The following BRINP2 variants were observed in gnomAD, a reference collection of about 807,000 sequenced individuals.
BRINP2 encodes BMP/retinoic acid-inducible neural-specific protein 2.
BRINP2 carries 21 observed loss-of-function variants against 69.2 expected under a neutral mutation model. The observed-to-expected ratio is 0.30, with a 90% CI of 0.22 to 0.44. The LOEUF is 0.44. BRINP2 is among the 20% of genes least tolerant of loss of function. The probability of loss-of-function intolerance (pLI) is 1.00; values close to 1 mark genes in which losing one functional copy is unlikely to be tolerated. For synonymous variants in BRINP2, 380 were observed against 394.1 expected, an observed-to-expected ratio of 0.96 and a Z score of 0.42; for missense variants, 877 against 986.0, an observed-to-expected ratio of 0.89 and a Z score of 1.48.
intron 1 of BRINP2, among the ~76,000 whole-genome samples, chr1:177,183,694 G>A (rs1166623934): frequency 6.6e-6 from 1 of 152,174 alleles, no homozygotes; most frequent in African/African-American, 2.4e-5. Context: ...GATATTTTCT[G>A]GATAAAAGGT....
intron 1 of BRINP2, 28 bp from the exon 2 acceptor site, chr1:177,229,773 A>G (rs1649806167): frequency 4.8e-6 from 7 of 1,471,222 alleles, no homozygotes; most frequent in South Asian, 2.8e-5. Flanking sequence ...AGGGTGCTCA[A>G]ATGACAATGC....
Position 177,233,629 on chromosome 1 carries a change from C to T in BRINP2, c.269+3484C>T, listed in dbSNP as rs375709741. On this transcript the variant is annotated intron_variant, in intron 2 of 7. Coordinates refer to ENST00000361539, the MANE Select transcript of BRINP2 (RefSeq NM_021165.4). ...CCTTTTTAAAGCACGTTAACCTTTA[C>T]CCTTCAATTCAGCTCTTTGCTGGGA... 1.2e-4 allele frequency among the ~76,000 whole-genome samples: 19 copies of T among 152,336 alleles called. No individual in the cohort carries two copies. The East Asian group carries it at 2.3e-3, about 19-fold the overall frequency.
chr1:177,244,048 G>A (rs1650296699), intron 2 of BRINP2, among the ~76,000 whole-genome samples: 1 of 152,176 alleles, frequency 6.6e-6, no homozygotes, highest in Non-Finnish European at 1.5e-5. Flanking sequence ...CAACTTTCCA[G>A]CCTCTGCCAC....
intron 1 of BRINP2, among the ~76,000 whole-genome samples, chr1:177,202,095 C>T (rs1432163118): frequency 2.0e-5 from 3 of 151,972 alleles, no homozygotes; most frequent in Non-Finnish European, 4.4e-5. Context: ...TCTCTCTTTT[C>T]TTCTTTATTA....
chr1:177,243,492 G>A (rs1477668021), intron 2 of BRINP2, among the ~76,000 whole-genome samples: 2 of 152,110 alleles, frequency 1.3e-5, no homozygotes, highest in African/African-American at 4.8e-5. Flanking sequence ...CCACATACAG[G>A]TTTGTTGCTG....
At chr1:177,225,314 G>A (rs190432365) in intron 1 of BRINP2, among the ~76,000 whole-genome samples, 10 of 152,316 alleles carry the variant, frequency 6.6e-5, no homozygotes, top group Admixed American at 2.6e-4. Context: ...TTACCTTTAC[G>A]TTTTGTGCAA....
In BRINP2 at chr1:177,282,271, G is replaced by C. The variant is rs1651730287; in HGVS notation, c.*743G>C. 6.6e-6 allele frequency: 1 copy of C among 152,052 alleles called. No homozygotes were observed. The highest frequency in any genetic ancestry group is 2.1e-4 in the South Asian group (1 of 4,812). The allele number at this position is 152,052 out of a possible 1,614,324, so 9.4% of individuals were successfully genotyped here. ...TCTCTCTGTCGAAGAAAGAAGCTCTGTCAAGTTAGAGAGAGACAATGTGTA... is the reference window on the plus strand; with the variant it reads ...TCTCTCTGTCGAAGAAAGAAGCTCTCTCAAGTTAGAGAGAGACAATGTGTA... On this transcript the variant is annotated 3_prime_UTR_variant, in exon 8 of 8. Transcript: ENST00000361539.
intron 2 of BRINP2, among the ~76,000 whole-genome samples, chr1:177,247,186 A>G (rs1650413848): frequency 1.3e-5 from 2 of 152,204 alleles, no homozygotes; most frequent in African/African-American, 4.8e-5. Context: ...GTATATTGGT[A>G]GAAAGATGAA....
rs1651705965 is a variant in BRINP2, at chr1:177,281,641, C to T, written c.*113C>T. The T allele has an allele frequency of 7.2e-7, 1 of 1,393,284 alleles. No individual in the cohort carries two copies. The highest frequency in any genetic ancestry group is 9.6e-7 in the Non-Finnish European group (1 of 1,038,164). The allele number at this position is 1,393,284 out of a possible 1,614,324, so 86.3% of individuals were successfully genotyped here. On this transcript the variant is annotated 3_prime_UTR_variant, in exon 8 of 8. Transcript: ENST00000361539. ...GGGTGTGCTCCCACGAGACTTTCAG[C>T]ATCCAGTAGATGGGACCTCGAGGCT...
rs137996038 is a variant in BRINP2 at position 177,281,386 on chromosome 1, G to A, written c.2210G>A (p.Arg737Gln). 140 of 1,614,094 alleles carry A rather than the reference G, an allele frequency of 8.7e-5. No homozygotes were observed. Among genetic ancestry groups the A allele is most frequent in the East Asian group, 2.7e-4 (12 of 44,852 alleles). ...VNQLSPPGKV[R>Q]LDLFSCLLRH... is the part of the protein sequence containing the mutation. Reference sequence around the variant, plus strand: ...CAGCTTTCTCCACCTGGCAAAGTCCGACTTGACCTTTTCTCCTGCTTGCTC... The same window carrying A: ...CAGCTTTCTCCACCTGGCAAAGTCCAACTTGACCTTTTCTCCTGCTTGCTC... The change falls in exon 8 of 8, where the codon CGA becomes CAA. Residue 737 changes from arginine (R) to glutamine (Q), a missense_variant. Arg to Gln is a conservative substitution (Grantham distance 43). Coordinates refer to ENST00000361539, the MANE Select transcript of BRINP2 (RefSeq NM_021165.4).
chr1:177,187,582 G>GGATC (rs1341499812), intron 1 of BRINP2, among the ~76,000 whole-genome samples: 1 of 152,142 alleles, frequency 6.6e-6, no homozygotes, highest in Non-Finnish European at 1.5e-5. Flanking sequence ...GAAGCCTGGA[G>GGATC]GATCAGCTTG....
chr1:177,173,832 CA>C (rs1322076385), intron 1 of BRINP2, among the ~76,000 whole-genome samples: 2 of 152,222 alleles, frequency 1.3e-5, no homozygotes, highest in Non-Finnish European at 2.9e-5. Context: ...AACTCACAAA[CA>C]AGAGGTAATC....
intron 1 of BRINP2, among the ~76,000 whole-genome samples, chr1:177,185,380 T>G (rs1030128759): frequency 3.9e-5 from 6 of 152,190 alleles, no homozygotes; most frequent in African/African-American, 1.4e-4. Context: ...TTAAATAAAT[T>G]TTCTATGGAA....
At chr1:177,176,101 A>G (rs1248018863) in intron 1 of BRINP2, among the ~76,000 whole-genome samples, 2 of 152,234 alleles carry the variant, frequency 1.3e-5, no homozygotes, top group African/African-American at 2.4e-5. Context: ...AGTAGCATCA[A>G]CACAGCATGG....
intron 1 of BRINP2, among the ~76,000 whole-genome samples, chr1:177,228,257 A>G (rs898906954): frequency 1.3e-5 from 2 of 152,208 alleles, no homozygotes; most frequent in Non-Finnish European, 2.9e-5. Flanking sequence ...TGTGTCCTCC[A>G]TCCTTCTAAG....
Position 177,214,082 on chromosome 1 carries a change from A to G in BRINP2, c.-76-15719A>G, listed in dbSNP as rs552522295. Among the ~76,000 whole-genome samples the G allele has an allele frequency of 3.3e-5, 5 of 152,324 alleles. No individual in the cohort carries two copies. The East Asian group carries it at 7.7e-4, about 24-fold the overall frequency. On this transcript the variant is annotated intron_variant, in intron 1 of 7. Coordinates refer to ENST00000361539, the MANE Select transcript of BRINP2 (RefSeq NM_021165.4). ...CACAAGGACCTTCAAACAGTGTCCAAATTGCTTCAGTCTAAGTCTACAGTC... is the reference window on the plus strand; with the variant it reads ...CACAAGGACCTTCAAACAGTGTCCAGATTGCTTCAGTCTAAGTCTACAGTC...
At chr1:177,216,092 G>T (rs1165455248) in intron 1 of BRINP2, among the ~76,000 whole-genome samples, 2 of 151,954 alleles carry the variant, frequency 1.3e-5, no homozygotes, top group Non-Finnish European at 1.5e-5. Flanking sequence ...TTTGATTGGA[G>T]AATTTAATTC....
At chr1:177,272,700 T>C (rs927761116) in intron 4 of BRINP2, among the ~76,000 whole-genome samples, 3 of 152,192 alleles carry the variant, frequency 2.0e-5, no homozygotes, top group African/African-American at 7.2e-5. Context: ...AAACAGTGGC[T>C]GCTCAATAAA....
chr1:177,197,756 G>A (rs1169237209), intron 1 of BRINP2, among the ~76,000 whole-genome samples: 1 of 152,148 alleles, frequency 6.6e-6, no homozygotes, highest in Non-Finnish European at 1.5e-5. Flanking sequence ...AGAGAAAGGA[G>A]AGACCATGGA....
Sources: allele counts gnomAD v4.1 joint callset (sites outside exome capture counted in the v4.1 genomes callset), GRCh38; gene constraint gnomAD v4.1.1; transcripts MANE v1.5; gene names NCBI Gene and HGNC (gene_info 2026-07-23, HGNC 2026-07-21).